The following GPR107 variants were observed in gnomAD, a reference collection of about 807,000 sequenced individuals.
The protein encoded by GPR107 is protein GPR107.
A neutral mutation model predicts 75.5 loss-of-function variants in GPR107; 31 were observed. The ratio of observed to expected loss-of-function variants is 0.41; its 90% CI spans 0.31 to 0.55. GPR107 has a LOEUF of 0.55. Ranked by LOEUF, GPR107 falls within the 20% of genes least tolerant of loss-of-function variation. The pLI is 0.26. For missense variants in GPR107, 572 were observed against 665.7 expected, an observed-to-expected ratio of 0.86 and a Z score of 1.55; for synonymous variants, 267 against 251.3, an observed-to-expected ratio of 1.06 and a Z score of -0.59.
At chr9:130,076,539 C>A in intron 3 of GPR107, 77 bp downstream of exon 3, 1 of 910,398 alleles carries the variant, frequency 1.1e-6, no homozygotes, top group Non-Finnish European at 1.8e-6. Flanking sequence ...CTACTTCTTG[C>A]AGTTCCATTT....
chr9:130,134,310 C>T (rs560985437), intron 17 of GPR107, among the ~76,000 whole-genome samples: 137 of 152,298 alleles, frequency 9.0e-4, no homozygotes, highest in African/African-American at 3.3e-3. Context: ...GAAAGGGCTG[C>T]CTTGCTCAGC....
rs1297478078 is a variant in GPR107, at chr9:130,075,747, A to C, written c.253A>C (p.Thr85Pro). 7.1e-7 allele frequency: 1 copy of C among 1,412,704 alleles called. No individual in the cohort carries two copies. The highest frequency in any genetic ancestry group is 1.7e-5 in the Admixed American group (1 of 59,516). 87.5% of individuals were successfully genotyped at this position (1,412,704 alleles called of 1,614,324 possible). Residue 85 changes from threonine to proline, a missense_variant and splice_region_variant, in exon 2 of 18, where the codon ACT (threonine) becomes CCT (proline). Physicochemically the swap from Thr to Pro is conservative, Grantham distance 38. Coordinates refer to ENST00000347136, the MANE Select transcript of GPR107 (RefSeq NM_020960.5). The part of the protein sequence containing the change: ...SLNEPEDKDV[T>P]IGFSLDRTKN... ...GAATGAGCCTGAAGACAAGGATGTGACTGTAAGTACCTTTTAATGAGATCC... is the reference window on the plus strand; with the variant it reads ...GAATGAGCCTGAAGACAAGGATGTGCCTGTAAGTACCTTTTAATGAGATCC...
At chr9:130,064,891 AAG>A (rs1830032238) in intron 1 of GPR107, among the ~76,000 whole-genome samples, 1 of 152,078 alleles carries the variant, frequency 6.6e-6, no homozygotes, top group African/African-American at 2.4e-5. Flanking sequence ...AGGAGCTTGA[AAG>A]AGGCAAGGAA....
chr9:130,088,684 C>T (rs192316332), intron 7 of GPR107, among the ~76,000 whole-genome samples: 5 of 152,206 alleles, frequency 3.3e-5, no homozygotes, highest in Admixed American at 3.3e-4. Flanking sequence ...TTCTCTTTTA[C>T]CAATGAGAAA....
In GPR107 at chr9:130,092,805, G is replaced by A. The variant is rs971466431; in HGVS notation, c.863+424G>A. 9.9e-5 allele frequency among the ~76,000 whole-genome samples: 15 copies of A among 152,060 alleles called. 1 individual carries two copies. In the East Asian group the frequency reaches 1.7e-3, roughly 18 times the overall value. On this transcript the variant is annotated intron_variant, in intron 9 of 17. Coordinates refer to ENST00000347136, the MANE Select transcript of GPR107 (RefSeq NM_020960.5). ...TAATTTTGTTTTTGTATTTTTAGTG[G>A]TGATGGGGTTTCACCGTGTTAGCCA...
intron 6 of GPR107, among the ~76,000 whole-genome samples, chr9:130,085,776 G>A (rs577449118): frequency 2.5e-3 from 59 of 23,480 alleles, no homozygotes; most frequent in South Asian, 0.01. Flanking sequence ...TTTTTTGCCG[G>A]GGGGAACGCA....
intron 1 of GPR107, among the ~76,000 whole-genome samples, chr9:130,062,239 C>T (rs1393206715): frequency 6.6e-6 from 1 of 151,280 alleles, no homozygotes; most frequent in African/African-American, 2.4e-5. Flanking sequence ...ATGGTAAAAC[C>T]CCATCTCTAC....
At chr9:130,070,002 TTTTTTTTTTA>T (rs1354957538) in intron 1 of GPR107, among the ~76,000 whole-genome samples, 6 of 48,930 alleles carry the variant, frequency 1.2e-4, no homozygotes, top group Non-Finnish European at 2.2e-4. Flanking sequence ...TTTTTTTTTT[TTTTTTTTTTA>T]AATTTTTTTG....
chr9:130,073,643 A>T (rs1440285166), intron 1 of GPR107, among the ~76,000 whole-genome samples: 1 of 152,218 alleles, frequency 6.6e-6, no homozygotes, highest in Admixed American at 6.5e-5. Flanking sequence ...GGCCCAAAAA[A>T]GGGAAGAAGG....
In GPR107 at chr9:130,080,368, A is replaced by G. The variant is rs528735886; in HGVS notation, c.526+599A>G. On this transcript the variant is annotated intron_variant, in intron 5 of 17. Coordinates refer to ENST00000347136, the MANE Select transcript of GPR107 (RefSeq NM_020960.5). ...TTGTGTGGATTTATATTCTTATCAG[A>G]AATATGTAGGAATAGTGGGCACATT... Among the ~76,000 whole-genome samples the G allele has an allele frequency of 4.6e-5, 7 of 152,334 alleles. No homozygotes were observed. The South Asian group carries it at 1.4e-3, about 32-fold the overall frequency.
chr9:130,108,992 CTTTTTTT>C (rs11316244), intron 14 of GPR107, among the ~76,000 whole-genome samples: 7 of 66,056 alleles, frequency 1.1e-4, no homozygotes, highest in Non-Finnish European at 1.9e-4. Context: ...TGGGGATATT[CTTTTTTT>C]TTTTTTTTTT....
chr9:130,107,096 C>G (rs1831177202), intron 13 of GPR107, among the ~76,000 whole-genome samples: 1 of 152,174 alleles, frequency 6.6e-6, no homozygotes. Context: ...GACCTAGACT[C>G]TAGAAGTCAG....
chr9:130,097,259 A>T (rs1830897926), intron 9 of GPR107, among the ~76,000 whole-genome samples: 1 of 148,200 alleles, frequency 6.7e-6, no homozygotes, highest in African/African-American at 2.5e-5. Context: ...AGTGCAAGCG[A>T]TTCTCCTGCC....
intron 9 of GPR107, among the ~76,000 whole-genome samples, chr9:130,096,074 A>G (rs575679186): frequency 3.3e-5 from 5 of 152,080 alleles, no homozygotes; most frequent in Admixed American, 1.3e-4. Flanking sequence ...CTAGTATTTG[A>G]GCCGAGGTCA....
chr9:130,119,275 G>A (rs1050746354), intron 14 of GPR107, among the ~76,000 whole-genome samples: 1 of 152,170 alleles, frequency 6.6e-6, no homozygotes, highest in African/African-American at 2.4e-5. Context: ...GAGCCCAGGC[G>A]CCCTGGCAGC....
chr9:130,089,059 A>G (rs138873801), intron 7 of GPR107, among the ~76,000 whole-genome samples: 1,640 of 152,066 alleles, frequency 0.011, 31 homozygotes, highest in African/African-American at 0.038. Flanking sequence ...AATCCCAGCT[A>G]CTTGGGAAGC....
At chr9:130,055,954 T>TA (rs1238960149) in intron 1 of GPR107, among the ~76,000 whole-genome samples, 1 of 150,298 alleles carries the variant, frequency 6.7e-6, no homozygotes, top group African/African-American at 2.4e-5. Context: ...CTCAAATAAA[T>TA]AAATAAATAA....
chr9:130,102,587 A>C (rs146152107), intron 12 of GPR107, among the ~76,000 whole-genome samples: 1 of 152,338 alleles, frequency 6.6e-6, no homozygotes, highest in African/African-American at 2.4e-5. Flanking sequence ...CAGCCTGAAA[A>C]GTTAAAACTG....
At position 130,136,687 on chromosome 9, in the gene GPR107, T is replaced by C. The variant is rs1017232744; in HGVS notation, c.*1566T>C. On this transcript the variant is annotated 3_prime_UTR_variant, in exon 18 of 18. Coordinates refer to ENST00000347136, the MANE Select transcript of GPR107 (RefSeq NM_020960.5). ...GAACATGGTTGTTCTCCCTGTCCCATGCTATCTTATCTTCCTAAATGACTA... is the reference window on the plus strand; with the variant it reads ...GAACATGGTTGTTCTCCCTGTCCCACGCTATCTTATCTTCCTAAATGACTA... 6 of 152,350 alleles carry C rather than the reference T, an allele frequency of 3.9e-5. No individual in the cohort carries two copies. The highest frequency in any genetic ancestry group is 1.4e-4 in the African/African-American group (6 of 41,586). The allele number at this position is 152,350 out of a possible 1,614,324, so 9.4% of individuals were successfully genotyped here. A position where few individuals can be genotyped will look rare whatever the true frequency, so the allele number is the denominator to read the frequency against.
Sources: gnomAD v4.1 joint callset for allele counts (sites outside exome capture counted in the v4.1 genomes callset) on GRCh38, gnomAD v4.1.1 for gene constraint, MANE v1.5 for transcripts, NCBI Gene and HGNC (gene_info 2026-07-23, HGNC 2026-07-21) for gene names.